The following PGBD2 variants were observed in gnomAD, a reference collection of about 807,000 sequenced individuals.
PGBD2 encodes piggyBac transposable element derived 2, also known as piggyBac transposable element-derived protein 2.
Under a neutral mutation model 8.1 loss-of-function variants are expected in PGBD2, and 6 were observed. That is an observed-to-expected ratio of 0.74 (90% CI 0.40 to 1.46). The LOEUF (loss-of-function observed/expected upper bound fraction) is 1.46. Among genes scored for constraint, PGBD2 ranks in the 40% most tolerant of loss-of-function variants. PGBD2 has a pLI of 0.02. For missense variants in PGBD2, 802 were observed against 739.0 expected, an observed-to-expected ratio of 1.09 and a Z score of -0.99; for synonymous variants, 318 against 272.2, an observed-to-expected ratio of 1.17 and a Z score of -1.66.
chr1:248,920,986 GT>G (rs74164229), downstream of PGBD2, among the ~76,000 whole-genome samples: 15,074 of 145,410 alleles, frequency 0.1, 1,497 homozygotes, highest in African/African-American at 0.27. Context: ...CTTTTTGATG[GT>G]TTTTTTTTTT....
chr1:248,911,160 C>T (rs998202900), intron 1 of PGBD2, among the ~76,000 whole-genome samples: 4 of 150,910 alleles, frequency 2.7e-5, no homozygotes, highest in Admixed American at 6.6e-5. Flanking sequence ...GGGTGTTTCT[C>T]GGAGAGGGGG....
chr1:248,921,761 C>A (rs181323634), downstream of PGBD2, among the ~76,000 whole-genome samples: 2 of 152,282 alleles, frequency 1.3e-5, no homozygotes, highest in East Asian at 3.9e-4. Context: ...TTCTTCCTAT[C>A]CATGAGCATG....
chr1:248,917,592 T>C lies in PGBD2; in HGVS notation c.1008T>C (p.Asp336=). Residue 336 remains aspartate, a synonymous_variant, in exon 3 of 3, where the codon GAT becomes GAC. Coordinates refer to ENST00000329291, the MANE Select transcript of PGBD2 (RefSeq NM_170725.3). ...GCAGTATGGTAATAAAATTTGTGGATGCGCTTCAGGAGCGTGGTTTTCTGC... is the reference window on the plus strand; with the variant it reads ...GCAGTATGGTAATAAAATTTGTGGACGCGCTTCAGGAGCGTGGTTTTCTGC... ...LGGSMVIKFV[D]ALQERGFLPY... 6.2e-7 allele frequency: 1 copy of C among 1,614,144 alleles called. No homozygotes were observed. The highest frequency in any genetic ancestry group is 1.1e-5 in the South Asian group (1 of 91,080).
the PGBD2 span, among the ~76,000 whole-genome samples, chr1:248,875,308 CAAAAAAA>C: frequency 3.1e-4 from 34 of 110,266 alleles, no homozygotes; most frequent in Admixed American, 7.5e-4. Flanking sequence ...AAAAACAAAA[CAAAAAAA>C]AAAAAAAAAA....
At chr1:248,874,327 G>A in the PGBD2 span, among the ~76,000 whole-genome samples, 10 of 152,288 alleles carry the variant, frequency 6.6e-5, no homozygotes, top group South Asian at 2.1e-4. Context: ...AAAGTAAGCC[G>A]TTTTAAAAAC....
chr1:248,900,862 C>T, the PGBD2 span, among the ~76,000 whole-genome samples: 6 of 152,216 alleles, frequency 3.9e-5, no homozygotes, highest in Non-Finnish European at 8.8e-5. Context: ...AGCCCAAAAG[C>T]TTGTTAAGCT....
rs1027319582 is a variant in PGBD2 at position 248,917,077 on chromosome 1, G to C, written c.493G>C (p.Ala165Pro). 2.5e-6 allele frequency: 4 copies of C among 1,613,660 alleles called. No individual in the cohort carries two copies. The African/African-American group carries it at 5.3e-5, about 22-fold the overall frequency. Residue 165 changes from alanine to proline, a missense_variant, in exon 3 of 3, where the codon GCT becomes CCT. By Grantham distance (27) the Ala-to-Pro change is conservative. Coordinates refer to ENST00000329291, the MANE Select transcript of PGBD2 (RefSeq NM_170725.3). ...CATTGTTAATGAAACCAATCGTTAT[G>C]CTTGGCAGAAAAATGTCAATTTGAG... ...NFIVNETNRYAWQKNVNLSLT... is the reference protein window; with the variant it reads ...NFIVNETNRYPWQKNVNLSLT...
intron 1 of PGBD2, among the ~76,000 whole-genome samples, chr1:248,913,183 CCTCA>C (rs1335552318): frequency 6.6e-6 from 1 of 152,130 alleles, no homozygotes; most frequent in Non-Finnish European, 1.5e-5. Flanking sequence ...TCTTCCACTT[CCTCA>C]CTCCAGTTTC....
chr1:248,891,805 C>T, the PGBD2 span, among the ~76,000 whole-genome samples: 1 of 152,098 alleles, frequency 6.6e-6, no homozygotes, highest in South Asian at 2.1e-4. Context: ...GCCTGGGCAA[C>T]AGAATGACAG....
the PGBD2 span, among the ~76,000 whole-genome samples, chr1:248,898,056 A>G: frequency 6.6e-6 from 1 of 152,206 alleles, no homozygotes; most frequent in African/African-American, 2.4e-5. Context: ...AACTCCAGCC[A>G]GGGTTTAATG....
chr1:248,874,297 G>A, the PGBD2 span, among the ~76,000 whole-genome samples: 7 of 152,160 alleles, frequency 4.6e-5, no homozygotes, highest in Admixed American at 1.3e-4. Context: ...GCCGCGGCCC[G>A]GGTTCGATTC....
chr1:248,926,914 A>G, the PGBD2 span, among the ~76,000 whole-genome samples: 6 of 152,202 alleles, frequency 3.9e-5, no homozygotes, highest in Admixed American at 3.3e-4. Flanking sequence ...GATGATGCTC[A>G]CCAGCTGGTT....
chr1:248,875,453 T>C, the PGBD2 span, among the ~76,000 whole-genome samples: 2 of 152,178 alleles, frequency 1.3e-5, no homozygotes, highest in South Asian at 4.1e-4. Context: ...CATATGCTAG[T>C]CTACATTCGA....
chr1:248,877,163 A>G, the PGBD2 span, among the ~76,000 whole-genome samples: 1 of 152,174 alleles, frequency 6.6e-6, no homozygotes, highest in Non-Finnish European at 1.5e-5. Flanking sequence ...TAAATTTAGT[A>G]GGAATTTTGT....
chr1:248,924,035 C>G (rs1240329540), downstream of PGBD2, among the ~76,000 whole-genome samples: 1 of 152,212 alleles, frequency 6.6e-6, no homozygotes, highest in African/African-American at 2.4e-5. Flanking sequence ...ACAGGGGACA[C>G]AGAAGAGTCC....
intron 1 of PGBD2, among the ~76,000 whole-genome samples, chr1:248,908,738 AG>A (rs1425222593): frequency 1.3e-5 from 2 of 150,612 alleles, no homozygotes; most frequent in Non-Finnish European, 2.9e-5. Flanking sequence ...CCTCCTTAAC[AG>A]GGTCTTCAAG....
the PGBD2 span, among the ~76,000 whole-genome samples, chr1:248,892,876 C>A: frequency 2.0e-5 from 3 of 152,156 alleles, no homozygotes; most frequent in Non-Finnish European, 4.4e-5. Context: ...TGACTCACCT[C>A]TGAGAGAAAC....
Position 248,917,456 on chromosome 1 carries a change from G to C in PGBD2, c.872G>C (p.Arg291Pro). 6.2e-7 allele frequency: 1 copy of C among 1,614,116 alleles called. No individual in the cohort carries two copies. The highest frequency in any genetic ancestry group is 8.5e-7 in the Non-Finnish European group (1 of 1,180,024). ...CAGCTGCACAGGGGGAAGCCTGTGC[G>C]ACTTGGCTACAAGATTTGGTGTGGG... Reference protein sequence around the residue: ...SKQLHRGKPVRLGYKIWCGTT... With the variant: ...SKQLHRGKPVPLGYKIWCGTT... Residue 291 changes from arginine (R) to proline (P), a missense_variant, in exon 3 of 3, where the codon CGA becomes CCA. By Grantham distance (103) the Arg-to-Pro change is moderately radical. Coordinates refer to ENST00000329291, the MANE Select transcript of PGBD2 (RefSeq NM_170725.3).
downstream of PGBD2, among the ~76,000 whole-genome samples, chr1:248,924,033 C>T (rs1050852624): frequency 3.3e-5 from 5 of 152,192 alleles, no homozygotes; most frequent in Non-Finnish European, 7.3e-5. Flanking sequence ...TGACAGGGGA[C>T]ACAGAAGAGT....
Sources: allele counts gnomAD v4.1 joint callset (sites outside exome capture counted in the v4.1 genomes callset), GRCh38; gene constraint gnomAD v4.1.1; transcripts MANE v1.5; gene names NCBI Gene and HGNC (gene_info 2026-07-23, HGNC 2026-07-21).